The following XIRP2 variants were observed in gnomAD, a reference collection of about 807,000 sequenced individuals.
The protein encoded by XIRP2 is xin actin-binding repeat-containing protein 2.
In XIRP2, 236 loss-of-function variants were observed where a neutral mutation model predicts 277.0. That is an observed-to-expected ratio of 0.85 (90% confidence interval 0.77 to 0.95). XIRP2 has a LOEUF of 0.95. Ranked by LOEUF, XIRP2 falls within the 40% of genes least tolerant of loss-of-function variation. The pLI, the probability that XIRP2 is intolerant of heterozygous loss-of-function variation, is 0.00. For synonymous variants in XIRP2, 1,490 were observed against 1,416.5 expected, an observed-to-expected ratio of 1.05 and a Z score of -1.17; for missense variants, 4,640 against 4,157.5, an observed-to-expected ratio of 1.12 and a Z score of -3.19.
At chr2:167,125,449 T>G (rs975147632) in intron 2 of XIRP2, among the ~76,000 whole-genome samples, 2 of 152,208 alleles carry the variant, frequency 1.3e-5, no homozygotes, top group African/African-American at 4.8e-5. Context: ...AGCATCAGAC[T>G]GAAATAGTCC....
chr2:167,089,916 C>T (rs1482315687), intron 2 of XIRP2, among the ~76,000 whole-genome samples: 4 of 151,988 alleles, frequency 2.6e-5, no homozygotes, highest in African/African-American at 9.7e-5. Flanking sequence ...CCTATCTGGA[C>T]CTTACGAGAA....
Position 167,210,739 on chromosome 2 carries a change from T to C in XIRP2, c.567T>C (p.Thr189=), listed in dbSNP as rs1693999656. The C allele has an allele frequency of 6.2e-7, 1 of 1,614,068 alleles. No homozygotes were observed. Among genetic ancestry groups the C allele is most frequent in the African/African-American group, 1.3e-5 (1 of 74,934 alleles). ...GCATGCTCTGTTTGCTTTCAGCGAC[T>C]GCTGGCCCTAATAAGCCTGAGAGTG... ...ESGHSRIFEA[T]AGPNKPESGF... Residue 189 remains threonine, a synonymous_variant, in exon 4 of 11, where the codon ACT becomes ACC. Coordinates refer to ENST00000409195, the MANE Select transcript of XIRP2 (RefSeq NM_152381.6).
intron 2 of XIRP2, among the ~76,000 whole-genome samples, chr2:167,103,538 A>G (rs1255425752): frequency 6.6e-6 from 1 of 152,134 alleles, no homozygotes; most frequent in Non-Finnish European, 1.5e-5. Context: ...TGTTCCAGGA[A>G]TTTATGTTGC....
chr2:167,234,960 CA>C (rs1694858727), intron 5 of XIRP2, among the ~76,000 whole-genome samples: 1 of 151,842 alleles, frequency 6.6e-6, no homozygotes, highest in South Asian at 2.1e-4. Context: ...TAACAATTCA[CA>C]AAACAACATA....
intron 3 of XIRP2, among the ~76,000 whole-genome samples, chr2:167,159,734 A>T (rs539483088): frequency 6.6e-6 from 1 of 152,358 alleles, no homozygotes; most frequent in Admixed American, 6.5e-5. Context: ...ATTTCTTATG[A>T]AGATTATATT....
At position 167,258,119 on chromosome 2, in the gene XIRP2, G is replaced by A; in HGVS notation, c.*302G>A. 1 of 1,613,226 alleles carries A rather than the reference G, an allele frequency of 6.2e-7. No homozygotes were observed. The highest frequency in any genetic ancestry group is 8.5e-7 in the Non-Finnish European group (1 of 1,179,554). ...TGGTAACAGTGAAGGGCAAAGGAATGATTTGAGAAAATTAGGGGAAAGGGG... is the reference window on the plus strand; with the variant it reads ...TGGTAACAGTGAAGGGCAAAGGAATAATTTGAGAAAATTAGGGGAAAGGGG... On this transcript the variant is annotated 3_prime_UTR_variant, in exon 11 of 11. Transcript: ENST00000409195.
chr2:166,917,797 G>T (rs1684929482), intron 2 of XIRP2, among the ~76,000 whole-genome samples: 2 of 152,222 alleles, frequency 1.3e-5, no homozygotes, highest in Admixed American at 1.3e-4. Context: ...TACTGCCCCT[G>T]TTAGGAGCCC....
intron 2 of XIRP2, among the ~76,000 whole-genome samples, chr2:167,027,143 A>G (rs903658342): frequency 3.9e-5 from 6 of 152,168 alleles, no homozygotes; most frequent in African/African-American, 9.6e-5. Flanking sequence ...AGGTACACCA[A>G]TCAGACCTAG....
At chr2:166,908,036 C>T (rs548906108) in intron 2 of XIRP2, among the ~76,000 whole-genome samples, 1 of 152,086 alleles carries the variant, frequency 6.6e-6, no homozygotes, top group South Asian at 2.1e-4. Flanking sequence ...TGCATTGGTT[C>T]CAAGTCTTTG....
At chr2:167,162,348 G>C (rs184623363) in intron 3 of XIRP2, among the ~76,000 whole-genome samples, 13 of 152,326 alleles carry the variant, frequency 8.5e-5, no homozygotes, top group Non-Finnish European at 1.2e-4. Flanking sequence ...AGACATTCCT[G>C]AGACTGGGCA....
Position 167,249,323 on chromosome 2 carries a change from A to G in XIRP2, c.7931A>G (p.His2644Arg). The G allele has an allele frequency of 6.2e-7, 1 of 1,613,832 alleles. No individual in the cohort carries two copies. Among genetic ancestry groups the G allele is most frequent in the Non-Finnish European group, 8.5e-7 (1 of 1,179,820 alleles). Reference sequence around the variant, plus strand: ...ACAGTCGCTGCCAAGAGGCTCCACCATGTTTTAGCAGCTTCAGAAGACAAA... The same window carrying G: ...ACAGTCGCTGCCAAGAGGCTCCACCGTGTTTTAGCAGCTTCAGAAGACAAA... Reference protein sequence around the residue: ...PETVAAKRLHHVLAASEDKDK... With the variant: ...PETVAAKRLHRVLAASEDKDK... The change falls in exon 9 of 11, where the codon CAT becomes CGT. Residue 2644 changes from histidine to arginine, a missense_variant. His to Arg is a conservative substitution (Grantham distance 29). Coordinates refer to ENST00000409195, the MANE Select transcript of XIRP2 (RefSeq NM_152381.6).
chr2:167,027,261 C>T (rs1043633191), intron 2 of XIRP2, among the ~76,000 whole-genome samples: 6 of 152,106 alleles, frequency 3.9e-5, no homozygotes, highest in African/African-American at 1.4e-4. Flanking sequence ...ATTTCACCTT[C>T]CATCACTGAT....
At chr2:166,977,092 G>A (rs972106550) in intron 2 of XIRP2, among the ~76,000 whole-genome samples, 1 of 152,092 alleles carries the variant, frequency 6.6e-6, no homozygotes, top group African/African-American at 2.4e-5. Context: ...TGAAAGCAAT[G>A]TGTGTTTGCT....
chr2:167,208,785 C>T (rs553811056), intron 3 of XIRP2, among the ~76,000 whole-genome samples: 1 of 152,088 alleles, frequency 6.6e-6, no homozygotes, highest in African/African-American at 2.4e-5. Flanking sequence ...TTAAGATTAC[C>T]AAAAGAATGG....
At chr2:167,025,277 A>G (rs1688118389) in intron 2 of XIRP2, among the ~76,000 whole-genome samples, 1 of 152,070 alleles carries the variant, frequency 6.6e-6, no homozygotes, top group African/African-American at 2.4e-5. Flanking sequence ...GGTAGTTTGT[A>G]TTTCTGTGGG....
chr2:167,098,669 C>T (rs113125953), intron 2 of XIRP2, among the ~76,000 whole-genome samples: 4,768 of 152,310 alleles, frequency 0.031, 87 homozygotes, highest in East Asian at 0.05. Context: ...TTTTCCTCAT[C>T]TTCATGGATT....
intron 2 of XIRP2, among the ~76,000 whole-genome samples, chr2:167,098,950 G>A (rs1478172098): frequency 6.6e-6 from 1 of 152,190 alleles, no homozygotes; most frequent in East Asian, 1.9e-4. Context: ...CCAAATGCCA[G>A]CCAGAGCTCT....
chr2:166,903,199 G>A (rs913096231), intron 1 of XIRP2, among the ~76,000 whole-genome samples: 2 of 152,068 alleles, frequency 1.3e-5, no homozygotes, highest in Non-Finnish European at 2.9e-5. Flanking sequence ...GAAGAAAATT[G>A]TGTGTTCTTC....
chr2:167,067,715 G>T (rs1689335332), intron 2 of XIRP2, among the ~76,000 whole-genome samples: 1 of 152,148 alleles, frequency 6.6e-6, no homozygotes, highest in Non-Finnish European at 1.5e-5. Context: ...CTCGATGCAG[G>T]GTTGCCTCAA....
Sources: gnomAD v4.1 joint callset for allele counts (sites outside exome capture counted in the v4.1 genomes callset) on GRCh38, gnomAD v4.1.1 for gene constraint, MANE v1.5 for transcripts, NCBI Gene and HGNC (gene_info 2026-07-23, HGNC 2026-07-21) for gene names.